ANK1: variants seen among roughly 807,000 people sequenced by gnomAD.
ANK1 encodes ankyrin 1, also known as ankyrin-1.
ANK1 carries 51 observed loss-of-function variants against 210.4 expected under a neutral mutation model. The observed-to-expected ratio is 0.24, with a 90% CI of 0.19 to 0.31. The LOEUF (loss-of-function observed/expected upper bound fraction) is 0.31, where lower values mean the gene tolerates loss of function less well. Among genes scored for constraint, ANK1 ranks in the 10% least tolerant of loss-of-function variants. ANK1 has a pLI of 1.00. For missense variants in ANK1, 2,051 were observed against 2,504.4 expected, an observed-to-expected ratio of 0.82 and a Z score of 3.86; for synonymous variants, 967 against 1,025.9, an observed-to-expected ratio of 0.94 and a Z score of 1.10.
In ANK1 at chr8:41,690,606, G is replaced by A; in HGVS notation, c.3859-7C>T. ...GGGACATTCCTTCCAACACCTGCAG[G>A]AGAGGAAAAGCAGATACAGCTTGTC... is the stretch of plus-strand genomic sequence containing the variant. On this transcript the variant is annotated splice_region_variant and splice_polypyrimidine_tract_variant and intron_variant, in intron 31 of 42. Transcript: ENST00000289734. The A allele has an allele frequency of 6.2e-7, 1 of 1,611,354 alleles. No homozygotes were observed. Among genetic ancestry groups the A allele is most frequent in the Non-Finnish European group, 8.5e-7 (1 of 1,179,962 alleles).
chr8:41,786,191 G>C (rs1846347398), intron 1 of ANK1, among the ~76,000 whole-genome samples: 1 of 152,168 alleles, frequency 6.6e-6, no homozygotes, highest in African/African-American at 2.4e-5. Context: ...CACAGACTCT[G>C]AAAGAAGAGG....
chr8:41,707,374 C>T (rs924729987), intron 17 of ANK1, among the ~76,000 whole-genome samples: 6 of 152,198 alleles, frequency 3.9e-5, no homozygotes, highest in Non-Finnish European at 7.3e-5. Flanking sequence ...AGGCACAGAC[C>T]GTGTCCCCTC....
At chr8:41,697,949 C>T (rs767198085) in intron 24 of ANK1, 94 bp downstream of exon 24, 6 of 1,141,370 alleles carry the variant, frequency 5.3e-6, no homozygotes, top group Non-Finnish European at 7.8e-6. Flanking sequence ...CTATTAGTGC[C>T]TATTGTGCTA....
At chr8:41,712,285 T>C (rs1442691250) in intron 16 of ANK1, among the ~76,000 whole-genome samples, 1 of 152,210 alleles carries the variant, frequency 6.6e-6, no homozygotes, top group African/African-American at 2.4e-5. Context: ...AGTGTGTTCA[T>C]GGATGTATCC....
At chr8:41,849,466 G>A (rs749348260) in intron 1 of ANK1, among the ~76,000 whole-genome samples, 14 of 151,978 alleles carry the variant, frequency 9.2e-5, no homozygotes, top group Admixed American at 2.6e-4. Flanking sequence ...AGAGACTGCA[G>A]TGAGCTGAGA....
At chr8:41,880,564 T>C (rs1817399149) in intron 1 of ANK1, among the ~76,000 whole-genome samples, 1 of 152,196 alleles carries the variant, frequency 6.6e-6, no homozygotes, top group Non-Finnish European at 1.5e-5. Flanking sequence ...CACCGATATG[T>C]CCTGCAATAC....
At chr8:41,747,471 C>T (rs1298607516) in intron 2 of ANK1, among the ~76,000 whole-genome samples, 2 of 152,186 alleles carry the variant, frequency 1.3e-5, no homozygotes, top group Admixed American at 6.5e-5. Flanking sequence ...TCTCAAGACC[C>T]TCATCACACA....
intron 37 of ANK1, among the ~76,000 whole-genome samples, chr8:41,679,558 C>CTTT (rs869249907): frequency 0.062 from 5,576 of 90,164 alleles, 443 homozygotes; most frequent in Non-Finnish European, 0.087. Flanking sequence ...CCTGGACTTT[C>CTTT]TTTTTTTTTT....
chr8:41,803,019 A>AAGAAAGAAAGAAAGAAAGAAAGAAAG (rs1850220024), intron 1 of ANK1, among the ~76,000 whole-genome samples: 1 of 99,298 alleles, frequency 1.0e-5, no homozygotes, highest in African/African-American at 4.3e-5. Flanking sequence ...GAAAGAAAGA[A>AAGAAAGAAAGAAAGAAAGAAAGAAAG]AGAAAGAAAG....
Position 41,704,087 on chromosome 8 carries a change from A to G in ANK1, c.2249T>C (p.Val750Ala). Reference sequence around the variant, plus strand: ...AGCACCGTTTTTCAGAAGCAGAGTCACGATGTCTGTGTGTCCCTGCTGGGC... The same window carrying G: ...AGCACCGTTTTTCAGAAGCAGAGTCGCGATGTCTGTGTGTCCCTGCTGGGC... ...QAAQQGHTDIVTLLLKNGASP... is the reference protein window; with the variant it reads ...QAAQQGHTDIATLLLKNGASP... The change falls in exon 20 of 43, where the codon GTG (valine) becomes GCG (alanine). Residue 750 changes from valine (V) to alanine (A), a missense_variant. Physicochemically the swap from Val to Ala is moderately conservative, Grantham distance 64. Around this residue, in one of 6 missense-constraint regions of ANK1, gnomAD observed 1,413 missense variants for 1,707.4 expected, o/e 0.83. Coordinates refer to ENST00000289734, the MANE Select transcript of ANK1 (RefSeq NM_000037.4). This position sits in a 1 kb window ranked among gnomAD's most constrained non-coding sequence, Gnocchi z 4.1. The G allele has an allele frequency of 6.2e-7, 1 of 1,614,214 alleles. No homozygotes were observed. The highest frequency in any genetic ancestry group is 8.5e-7 in the Non-Finnish European group (1 of 1,180,036).
At chr8:41,732,491 C>T (rs967208016) in intron 3 of ANK1, among the ~76,000 whole-genome samples, 2 of 152,134 alleles carry the variant, frequency 1.3e-5, no homozygotes, top group African/African-American at 4.8e-5. Flanking sequence ...CGGCTCACCG[C>T]AACCTCCGCC....
chr8:41,860,838 G>A (rs4737019), intron 1 of ANK1, among the ~76,000 whole-genome samples: 50,956 of 152,030 alleles, frequency 0.34, 8,654 homozygotes, highest in African/African-American at 0.38. Context: ...GGGCCTGAGC[G>A]CCTCCCCTGC....
rs531195790 is a variant in ANK1, at chr8:41,864,010, C to T, written c.126+32345G>A. ...CTGTAATCCCAGCACTTTGGGAGGC[C>T]GAGGCGGGTGGATCACGAGGTCAGG... On this transcript the variant is annotated intron_variant, in intron 1 of 42. Transcript: ENST00000265709. 2.3e-4 allele frequency among the ~76,000 whole-genome samples: 35 copies of T among 152,112 alleles called. 1 individual carries two copies. Among genetic ancestry groups the T allele is most frequent in the South Asian group, 4.2e-4 (2 of 4,796 alleles).
At chr8:41,677,946 G>T (rs992461754) in intron 37 of ANK1, among the ~76,000 whole-genome samples, 2 of 152,016 alleles carry the variant, frequency 1.3e-5, no homozygotes, top group African/African-American at 4.8e-5. Context: ...TGGTTCCCTT[G>T]TACATAACAC....
chr8:41,801,792 TCTC>T (rs1387475609), upstream of ANK1, among the ~76,000 whole-genome samples: 1 of 152,174 alleles, frequency 6.6e-6, no homozygotes, highest in African/African-American at 2.4e-5. Flanking sequence ...ATTGAAAATA[TCTC>T]CTCCCAGTGT....
At chr8:41,659,872 T>C (rs952547162) in intron 42 of ANK1, among the ~76,000 whole-genome samples, 1 of 151,910 alleles carries the variant, frequency 6.6e-6, no homozygotes, top group Non-Finnish European at 1.5e-5. Flanking sequence ...TTACGGCAAA[T>C]TAAAATGAAA....
At chr8:41,839,355 T>C (rs1471746907) in intron 1 of ANK1, among the ~76,000 whole-genome samples, 1 of 152,264 alleles carries the variant, frequency 6.6e-6, no homozygotes, top group Non-Finnish European at 1.5e-5. Flanking sequence ...CCAGGTTCCC[T>C]GGCTGTTGGT....
At chr8:41,769,797 G>A in intron 1 of ANK1, among the ~76,000 whole-genome samples, 1 of 151,950 alleles carries the variant, frequency 6.6e-6, no homozygotes, top group East Asian at 1.9e-4. Context: ...CCACATCCTT[G>A]TCAAGACTTG....
rs535663406 is a variant in ANK1, at chr8:41,837,007, C to T, written c.126+59348G>A. On this transcript the variant is annotated intron_variant, in intron 1 of 42. Transcript: ENST00000265709. ...TGGGCCTGGGGTCCTGGTCTGTGGT[C>T]AGCAGTTGTGTGACGTCCCCCCAAG... Among the ~76,000 whole-genome samples, 7 of 151,944 alleles carry T rather than the reference C, an allele frequency of 4.6e-5. No homozygotes were observed. In the South Asian group the frequency reaches 1.2e-3, roughly 27 times the overall value.
Sources: gnomAD v4.1 joint callset for allele counts (sites outside exome capture counted in the v4.1 genomes callset) on GRCh38, gnomAD v4.1.1 for gene constraint, gnomAD v4.1.1 regional missense constraint, Gnocchi (gnomAD v3.1) non-coding constraint, MANE v1.5 for transcripts, NCBI Gene and HGNC (gene_info 2026-07-23, HGNC 2026-07-21) for gene names.